DOK6: variants seen among roughly 807,000 people sequenced by gnomAD.
DOK6 encodes the protein docking protein 6.
A neutral mutation model predicts 44.0 loss-of-function variants in DOK6; 22 were observed. That is an observed-to-expected ratio of 0.50 (90% CI 0.36 to 0.71). DOK6 has a LOEUF of 0.71. DOK6 is among the 30% of genes least tolerant of loss of function. The probability of loss-of-function intolerance (pLI) is 0.00; values close to 1 mark genes in which losing one functional copy is unlikely to be tolerated. For missense variants in DOK6, 340 were observed against 416.4 expected, an observed-to-expected ratio of 0.82 and a Z score of 1.60; for synonymous variants, 166 against 145.5, an observed-to-expected ratio of 1.14 and a Z score of -1.01.
At position 69,595,806 on chromosome 18, in the gene DOK6, G is replaced by C. The variant is rs542913352; in HGVS notation, c.175-3578G>C. On this transcript the variant is annotated intron_variant, in intron 2 of 7. Coordinates refer to ENST00000382713, the MANE Select transcript of DOK6 (RefSeq NM_152721.6). ...GCAAAAAATTTTTAATCCATGCGTA[G>C]TTTTTTCACTATAAGCATTTTCTAT... is the stretch of plus-strand genomic sequence containing the variant. Among the ~76,000 whole-genome samples, 5 of 152,226 alleles carry C rather than the reference G, an allele frequency of 3.3e-5. No homozygotes were observed. The East Asian group carries it at 9.7e-4, about 29-fold the overall frequency.
intron 1 of DOK6, among the ~76,000 whole-genome samples, chr18:69,424,979 A>G (rs975090196): frequency 1.3e-5 from 2 of 152,202 alleles, no homozygotes. Context: ...ATCATGCTTC[A>G]GTGCCACTTG....
rs113135834 is a variant in DOK6 at position 69,549,549 on chromosome 18, A to T, written c.67-14938A>T. 6.1e-3 allele frequency among the ~76,000 whole-genome samples: 922 copies of T among 151,742 alleles called. 15 individuals carry two copies. The highest frequency in any genetic ancestry group is 0.021 in the African/African-American group (862 of 41,492). ...TTGTCCAGTCCTTTCCTAGTTCTTG[A>T]TTAGGCATTTAATTTAAAAAAATTG... is the stretch of plus-strand genomic sequence containing the variant. On this transcript the variant is annotated intron_variant, in intron 1 of 7. Transcript: ENST00000382713.
At chr18:69,401,375 G>C (rs958393495) in intron 1 of DOK6, 65 bp downstream of exon 1, 304 of 1,422,468 alleles carry the variant, frequency 2.1e-4, no homozygotes, top group Non-Finnish European at 2.6e-4. Context: ...TGCCTGGGGG[G>C]GGGGCAGGGA....
chr18:69,612,468 T>TGTGCGAGGGCGCATGTGG (rs1351653077), intron 3 of DOK6, among the ~76,000 whole-genome samples: 2 of 149,726 alleles, frequency 1.3e-5, no homozygotes, highest in Non-Finnish European at 3.0e-5. Context: ...CGTGCATATG[T>TGTGCGAGGGCGCATGTGG]ATTTCTTGCT....
chr18:69,452,509 T>C (rs1035213159), intron 1 of DOK6, among the ~76,000 whole-genome samples: 27 of 132,826 alleles, frequency 2.0e-4, no homozygotes, highest in Non-Finnish European at 3.8e-4. Context: ...CCATTCCTTC[T>C]GAAACTATTC....
chr18:69,824,198 C>CT (rs1981668773), intron 7 of DOK6, among the ~76,000 whole-genome samples: 1 of 128,472 alleles, frequency 7.8e-6, no homozygotes. Context: ...CTCCCCCCTC[C>CT]CCCCACCCCA....
At chr18:69,691,204 T>TAAAC (rs1169086761) in intron 4 of DOK6, among the ~76,000 whole-genome samples, 6 of 149,952 alleles carry the variant, frequency 4.0e-5, no homozygotes, top group African/African-American at 1.5e-4. Flanking sequence ...AATAAATAAA[T>TAAAC]AAATAAATAA....
Position 69,473,126 on chromosome 18 carries a change from A to G in DOK6, c.66+71816A>G, listed in dbSNP as rs1980163759. ...TATTTTTTTATTTTGCATAACTGATATAACCCTGCTTTCCAAAGATGAGAG... is the reference window on the plus strand; with the variant it reads ...TATTTTTTTATTTTGCATAACTGATGTAACCCTGCTTTCCAAAGATGAGAG... On this transcript the variant is annotated intron_variant, in intron 1 of 7. Coordinates refer to ENST00000382713, the MANE Select transcript of DOK6 (RefSeq NM_152721.6). Among the ~76,000 whole-genome samples the G allele has an allele frequency of 3.9e-5, 6 of 152,238 alleles. 1 individual carries two copies. The highest frequency in any genetic ancestry group is 2.0e-4 in the Admixed American group (3 of 15,288).
At chr18:69,426,364 G>C (rs921995310) in intron 1 of DOK6, among the ~76,000 whole-genome samples, 3 of 152,044 alleles carry the variant, frequency 2.0e-5, no homozygotes, top group African/African-American at 7.2e-5. Context: ...ACTTTGCTAA[G>C]ATTTGAATAA....
chr18:69,745,203 A>G (rs1311415728), intron 6 of DOK6, among the ~76,000 whole-genome samples: 1 of 152,222 alleles, frequency 6.6e-6, no homozygotes, highest in South Asian at 2.1e-4. Flanking sequence ...TGTAAATCAA[A>G]TAGATCAGAG....
chr18:69,554,798 T>C (rs1982647619), intron 1 of DOK6, among the ~76,000 whole-genome samples: 1 of 152,176 alleles, frequency 6.6e-6, no homozygotes, highest in Admixed American at 6.6e-5. Flanking sequence ...CTTGGTATTA[T>C]CAGTATTTTT....
In DOK6 at chr18:69,725,315, A is replaced by T. The variant is rs568933501; in HGVS notation, c.600-13650A>T. 1.5e-4 allele frequency among the ~76,000 whole-genome samples: 23 copies of T among 152,308 alleles called. No homozygotes were observed. In the South Asian group the frequency reaches 4.6e-3, roughly 30 times the overall value. ...CGAGGGATGGATAAGCGTTTGTTGA[A>T]TGAGAACAAGCTAATGAGACTCGGG... is the stretch of plus-strand genomic sequence containing the variant. On this transcript the variant is annotated intron_variant, in intron 5 of 7. Coordinates refer to ENST00000382713, the MANE Select transcript of DOK6 (RefSeq NM_152721.6).
chr18:69,670,204 G>T (rs527306010), intron 3 of DOK6, among the ~76,000 whole-genome samples: 1 of 152,262 alleles, frequency 6.6e-6, no homozygotes, highest in Non-Finnish European at 1.5e-5. Context: ...GTTCAATGGG[G>T]ACTAACGTCA....
intron 5 of DOK6, among the ~76,000 whole-genome samples, chr18:69,702,325 T>A (rs2144706853): frequency 6.6e-6 from 1 of 152,300 alleles, no homozygotes; most frequent in South Asian, 2.1e-4. Flanking sequence ...AGTAGGTTTT[T>A]AGACAACAAG....
chr18:69,403,654 T>G lies in DOK6; in HGVS notation c.66+2344T>G, dbSNP rs543777134. Among the ~76,000 whole-genome samples the G allele has an allele frequency of 6.8e-5, 9 of 132,202 alleles. No homozygotes were observed. In the East Asian group the frequency reaches 1.8e-3, roughly 26 times the overall value. The allele number at this position is 132,202 out of a possible 152,430, so 86.7% of individuals were successfully genotyped here. A position where few individuals can be genotyped will look rare whatever the true frequency, so the allele number is the denominator to read the frequency against. On this transcript the variant is annotated intron_variant, in intron 1 of 7. Coordinates refer to ENST00000382713, the MANE Select transcript of DOK6 (RefSeq NM_152721.6). ...ATTCACCTTGACTATTTTGGGAACT[T>G]TTTTTTTAAGTCAGATACTTTTCTA...
intron 4 of DOK6, among the ~76,000 whole-genome samples, chr18:69,695,398 G>A (rs1481139812): frequency 6.6e-6 from 1 of 152,170 alleles, no homozygotes. Context: ...AATTTAAAAA[G>A]CAGCATAATT....
chr18:69,466,827 A>G (rs950446105), intron 1 of DOK6, among the ~76,000 whole-genome samples: 3 of 151,896 alleles, frequency 2.0e-5, no homozygotes, highest in African/African-American at 7.2e-5. Flanking sequence ...GGAAGAAAGA[A>G]AGGAAAGAAG....
intron 3 of DOK6, among the ~76,000 whole-genome samples, chr18:69,637,047 C>T (rs917059656): frequency 1.3e-5 from 2 of 152,188 alleles, no homozygotes; most frequent in Admixed American, 6.5e-5. Flanking sequence ...CGCCATACCC[C>T]TCTCCTCACT....
chr18:69,572,678 G>A (rs189933965), intron 2 of DOK6, among the ~76,000 whole-genome samples: 1 of 152,088 alleles, frequency 6.6e-6, no homozygotes, highest in African/African-American at 2.4e-5. Flanking sequence ...CTAGGGAAAA[G>A]AACAGTAAAA....
Sources: allele counts gnomAD v4.1 joint callset (sites outside exome capture counted in the v4.1 genomes callset), GRCh38; gene constraint gnomAD v4.1.1; transcripts MANE v1.5; gene names NCBI Gene and HGNC (gene_info 2026-07-23, HGNC 2026-07-21).